Variants in GPHN observed in about 807,000 individuals in gnomAD.
GPHN encodes the protein gephyrin.
GPHN carries 17 observed loss-of-function variants against 95.5 expected under a neutral mutation model. That is an observed-to-expected ratio of 0.18 (90% CI 0.12 to 0.27). The LOEUF (loss-of-function observed/expected upper bound fraction) is 0.27, where lower values mean the gene tolerates loss of function less well. Among genes scored for constraint, GPHN ranks in the 10% least tolerant of loss-of-function variants. The pLI is 1.00. For missense variants in GPHN, 660 were observed against 978.1 expected (o/e 0.67, Z 4.34); for synonymous variants, 320 against 322.5 (o/e 0.99, Z 0.08).
chr14:67,316,782 T>C, the GPHN span: 1 of 1,488,436 alleles, frequency 6.7e-7, no homozygotes, highest in African/African-American at 1.4e-5. Context: ...AAAAAATTCT[T>C]ATCCTTTTAT....
intron 8 of GPHN, among the ~76,000 whole-genome samples, chr14:66,946,542 A>T (rs2067765843): frequency 6.6e-6 from 1 of 152,016 alleles, no homozygotes; most frequent in Non-Finnish European, 1.5e-5. Flanking sequence ...AGTAGCTGGG[A>T]TTACAAGCAC....
chr14:66,606,677 A>C (rs2062551682), intron 1 of GPHN, among the ~76,000 whole-genome samples: 1 of 152,052 alleles, frequency 6.6e-6, no homozygotes, highest in East Asian at 1.9e-4. Context: ...GTTCTTGTAG[A>C]GATCTTTCAC....
the GPHN span, among the ~76,000 whole-genome samples, chr14:67,639,231 ATC>A: frequency 6.6e-6 from 1 of 152,134 alleles, no homozygotes. Context: ...TGTCACGTTT[ATC>A]TGAGTCTACA....
rs557560450 is a variant in GPHN at position 67,025,227 on chromosome 14, T to A, written c.1006+1552T>A. On this transcript the variant is annotated intron_variant, in intron 10 of 22. Transcript: ENST00000478722. ...TGCATTTATCCTTGGTAAAAATCTGTCTTATTACCAATAACACTACTATTT... is the reference window on the plus strand; with the variant it reads ...TGCATTTATCCTTGGTAAAAATCTGACTTATTACCAATAACACTACTATTT... Among the ~76,000 whole-genome samples, 3 of 152,340 alleles carry A rather than the reference T, an allele frequency of 2.0e-5. No individual in the cohort carries two copies. In the South Asian group the frequency reaches 6.2e-4, roughly 32 times the overall value.
downstream of GPHN, among the ~76,000 whole-genome samples, chr14:67,183,916 G>A (rs1013696844): frequency 6.6e-6 from 1 of 151,826 alleles, no homozygotes; most frequent in South Asian, 2.1e-4. Context: ...GCAGTGGCAT[G>A]ATCTCAACTC....
At chr14:67,185,171 T>C (rs1165629475), downstream of GPHN, among the ~76,000 whole-genome samples, 3 of 152,196 alleles carry the variant, frequency 2.0e-5, no homozygotes, top group African/African-American at 7.2e-5. Flanking sequence ...TAGCATGAAC[T>C]GATAACAAAG....
the GPHN span, among the ~76,000 whole-genome samples, chr14:67,731,708 T>C: frequency 7.2e-5 from 11 of 152,150 alleles, no homozygotes; most frequent in African/African-American, 2.4e-4. Context: ...TTTTTATACA[T>C]AGAGAACAGT....
intron 4 of GPHN, among the ~76,000 whole-genome samples, chr14:66,844,975 GT>G (rs1567011799): frequency 6.6e-6 from 1 of 152,060 alleles, no homozygotes; most frequent in Non-Finnish European, 1.5e-5. Context: ...AATCATACCA[GT>G]TTTGTCTTTC....
intron 21 of GPHN, among the ~76,000 whole-genome samples, chr14:67,169,775 A>AG: frequency 6.6e-6 from 1 of 152,316 alleles, no homozygotes; most frequent in African/African-American, 2.4e-5. Flanking sequence ...AGAGCAAAAA[A>AG]CATAAAAGAT....
chr14:66,634,419 G>T (rs1046601798), intron 1 of GPHN, among the ~76,000 whole-genome samples: 1 of 152,174 alleles, frequency 6.6e-6, no homozygotes, highest in Non-Finnish European at 1.5e-5. Context: ...GCCTGCAGTT[G>T]TTTGTGGAGA....
At position 67,095,716 on chromosome 14, in the gene GPHN, G is replaced by A. The variant is rs138734688; in HGVS notation, c.1238-5140G>A. On this transcript the variant is annotated intron_variant, in intron 12 of 22. Transcript: ENST00000478722. The stretch of plus-strand genomic sequence containing the variant: ...ACACCGCATGTTCTCACTCATAGAT[G>A]GGAATTGAACAGTGAGAACCCATGG... Among the ~76,000 whole-genome samples, 774 of 151,582 alleles carry A rather than the reference G, an allele frequency of 5.1e-3. 4 individuals carry two copies. Among genetic ancestry groups the A allele is most frequent in the African/African-American group, 0.018 (726 of 41,294 alleles).
chr14:67,013,404 C>A (rs2153618489), intron 9 of GPHN, among the ~76,000 whole-genome samples: 1 of 152,094 alleles, frequency 6.6e-6, no homozygotes, highest in Non-Finnish European at 1.5e-5. Context: ...TTACATACAT[C>A]TGAAATAATC....
the GPHN span, among the ~76,000 whole-genome samples, chr14:67,672,925 C>T: frequency 6.6e-6 from 1 of 152,244 alleles, no homozygotes; most frequent in Non-Finnish European, 1.5e-5. Flanking sequence ...CATGGAACTT[C>T]CTGCTCTTCG....
the GPHN span, among the ~76,000 whole-genome samples, chr14:67,545,812 T>C: frequency 6.6e-6 from 1 of 152,198 alleles, no homozygotes; most frequent in Non-Finnish European, 1.5e-5. Context: ...ATATACAGCA[T>C]CATACAGTTT....
chr14:66,982,311 A>T (rs1219691127), intron 9 of GPHN, among the ~76,000 whole-genome samples: 1 of 152,130 alleles, frequency 6.6e-6, no homozygotes, highest in Non-Finnish European at 1.5e-5. Context: ...TTTAGGATCC[A>T]GGCAATTTCT....
At chr14:67,715,962 G>A in the GPHN span, among the ~76,000 whole-genome samples, 4 of 152,070 alleles carry the variant, frequency 2.6e-5, no homozygotes, top group Non-Finnish European at 2.9e-5. Context: ...TTGGGAGGCC[G>A]AGGCGGGCGG....
intron 2 of GPHN, among the ~76,000 whole-genome samples, chr14:66,706,122 T>G (rs900088115): frequency 3.2e-4 from 48 of 152,234 alleles, no homozygotes; most frequent in African/African-American, 1.2e-3. Context: ...AAGGACCTCT[T>G]CAGGGAGAAC....
At chr14:66,761,754 G>T (rs1437278014) in intron 2 of GPHN, among the ~76,000 whole-genome samples, 4 of 151,692 alleles carry the variant, frequency 2.6e-5, no homozygotes, top group Admixed American at 6.6e-5. Flanking sequence ...CCGCCTCCTG[G>T]GTTCACGCCA....
At chr14:66,820,428 A>G (rs75447587) in intron 3 of GPHN, among the ~76,000 whole-genome samples, 1,834 of 152,264 alleles carry the variant, frequency 0.012, 19 homozygotes, top group Non-Finnish European at 0.018. Context: ...CCAGTGCTAG[A>G]ATCTTTCTTC....
Sources: gnomAD v4.1 joint callset for allele counts (sites outside exome capture counted in the v4.1 genomes callset) on GRCh38, gnomAD v4.1.1 for gene constraint, MANE v1.5 for transcripts, NCBI Gene and HGNC (gene_info 2026-07-23, HGNC 2026-07-21) for gene names.